ACOT4: variants seen among roughly 807,000 people sequenced by gnomAD.
The protein encoded by ACOT4 is acyl-CoA thioesterase 4.
ACOT4 carries 18 observed loss-of-function variants against 17.1 expected under a neutral mutation model. That is an observed-to-expected ratio of 1.05 (90% CI 0.73 to 1.56). ACOT4 has a LOEUF of 1.56. ACOT4 is among the 40% of genes most tolerant of loss of function. The pLI is 0.00. For missense variants in ACOT4, 574 were observed against 557.2 expected, an observed-to-expected ratio of 1.03 and a Z score of -0.30; for synonymous variants, 234 against 236.6, an observed-to-expected ratio of 0.99 and a Z score of 0.10.
rs576145111 is a variant in ACOT4, at chr14:73,595,242, C to T, written c.854C>T (p.Ala285Val). 7.4e-6 allele frequency: 12 copies of T among 1,614,096 alleles called. No homozygotes were observed. The highest frequency in any genetic ancestry group is 1.0e-5 in the Non-Finnish European group (12 of 1,180,046). ...TATGACCTGAGGAGAATCAAGGTAG[C>T]TTTCTCAGGCCTCGTGGACATTGTG... Reference protein sequence around the residue: ...LGYDLRRIKVAFSGLVDIVDI... With the variant: ...LGYDLRRIKVVFSGLVDIVDI... Residue 285 changes from alanine (A) to valine (V), a missense_variant, in exon 3 of 3, where the codon GCT (alanine) becomes GTT (valine). Physicochemically the swap from Ala to Val is moderately conservative, Grantham distance 64. Transcript: ENST00000326303.
At chr14:73,594,386 G>C (rs1890211528) in intron 2 of ACOT4, among the ~76,000 whole-genome samples, 1 of 152,164 alleles carries the variant, frequency 6.6e-6, no homozygotes, top group South Asian at 2.1e-4. Flanking sequence ...GCCACATGAA[G>C]ACTTCAGTCA....
At chr14:73,594,899 T>A in intron 2 of ACOT4, 150 bp from the exon 3 acceptor site, 2 of 863,280 alleles carry the variant, frequency 2.3e-6, no homozygotes, top group South Asian at 3.3e-5. Context: ...GAGACAGGGT[T>A]CTGCCATGTT....
Position 73,595,082 on chromosome 14 carries a change from T to G in ACOT4, c.694T>G (p.Ser232Ala). The G allele has an allele frequency of 6.2e-7, 1 of 1,614,082 alleles. No homozygotes were observed. The highest frequency in any genetic ancestry group is 8.5e-7 in the Non-Finnish European group (1 of 1,180,030). ...CCCAGGCATTGGGCTTTTGGGCATT[T>G]CTCTAGGAGCTGATATTTGTCTCTC... ...KGPGIGLLGI[S>A]LGADICLSMA... The change falls in exon 3 of 3, where the codon TCT becomes GCT. Residue 232 changes from serine to alanine, a missense_variant. Coordinates refer to ENST00000326303, the MANE Select transcript of ACOT4 (RefSeq NM_152331.4).
In ACOT4 at chr14:73,595,380, G is replaced by C; in HGVS notation, c.992G>C (p.Ser331Thr). ...IVGQDDHNWR[S>T]ELYAQTVSER... Reference sequence around the variant, plus strand: ...GGTCAGGATGACCATAACTGGAGAAGTGAGTTGTATGCCCAAACAGTCTCT... The same window carrying C: ...GGTCAGGATGACCATAACTGGAGAACTGAGTTGTATGCCCAAACAGTCTCT... The change falls in exon 3 of 3, where the codon AGT becomes ACT. Residue 331 changes from serine to threonine, a missense_variant. Physicochemically the swap from Ser to Thr is moderately conservative, Grantham distance 58 (BLOSUM62 1). Transcript: ENST00000326303. 1 of 1,614,262 alleles carries C rather than the reference G, an allele frequency of 6.2e-7. No homozygotes were observed. Among genetic ancestry groups the C allele is most frequent in the Non-Finnish European group, 8.5e-7 (1 of 1,180,034 alleles).
intron 1 of ACOT4, among the ~76,000 whole-genome samples, chr14:73,593,443 A>G (rs1450320464): frequency 7.2e-6 from 1 of 138,832 alleles, no homozygotes; most frequent in African/African-American, 2.7e-5. Context: ...GGCTCAAGTG[A>G]TCCTCCCTCC....
chr14:73,593,812 T>G lies in ACOT4; in HGVS notation c.568T>G (p.Tyr190Asp). 1 of 1,073,120 alleles carries G rather than the reference T, an allele frequency of 9.3e-7. No homozygotes were observed. The highest frequency in any genetic ancestry group is 1.4e-6 in the Non-Finnish European group (1 of 724,250). 66.5% of individuals were successfully genotyped at this position (1,073,120 alleles called of 1,614,324 possible). A position where few individuals can be genotyped will look rare whatever the true frequency, so the allele number is the denominator to read the frequency against. Residue 190 changes from tyrosine (Y) to aspartate (D), a missense_variant, in exon 2 of 3, where the codon TAT becomes GAT. Tyr to Asp is a radical substitution (Grantham distance 160). Transcript: ENST00000326303. The part of the protein sequence containing the change: ...GHGFATLALA[Y>D]YNFEDLPNNM... ...TGGCTTTGCCACGTTGGCTCTAGCT[T>G]ATTATAACTTTGAAGATCTCCCCAA...
intron 2 of ACOT4, 116 bp from the exon 3 acceptor site, chr14:73,594,933 G>A: frequency 2.4e-6 from 3 of 1,261,110 alleles, no homozygotes; most frequent in Non-Finnish European, 3.3e-6. Context: ...TCAAACTCCT[G>A]ACCTCAAGTG....
In ACOT4 at chr14:73,591,977, C is replaced by G; in HGVS notation, c.18C>G (p.Ile6Met). 2 of 1,401,924 alleles carry G rather than the reference C, an allele frequency of 1.4e-6. No homozygotes were observed. The highest frequency in any genetic ancestry group is 1.9e-6 in the Non-Finnish European group (2 of 1,079,632). The allele number at this position is 1,401,924 out of a possible 1,614,324, so 86.8% of individuals were successfully genotyped here. Residue 6 changes from isoleucine to methionine, a missense_variant, in exon 1 of 3, where the codon ATC becomes ATG. By Grantham distance (10) the Ile-to-Met change is conservative. Transcript: ENST00000326303. MSATL[I>M]LEPPGRCCWN... is the part of the protein sequence containing the mutation. ...GCTCCAAGATGTCAGCAACGCTGAT[C>G]CTGGAGCCCCCAGGCCGCTGCTGCT...
Position 73,592,062 on chromosome 14 carries a change from C to T in ACOT4, c.103C>T (p.Arg35Cys). The T allele has an allele frequency of 6.8e-7, 1 of 1,479,334 alleles. No homozygotes were observed. The highest frequency in any genetic ancestry group is 9.0e-7 in the Non-Finnish European group (1 of 1,117,102). 91.6% of individuals were successfully genotyped at this position (1,479,334 alleles called of 1,614,324 possible). Residue 35 changes from arginine to cysteine, a missense_variant, in exon 1 of 3, where the codon CGC (arginine) becomes TGC (cysteine). Physicochemically the swap from Arg to Cys is radical, Grantham distance 180 (BLOSUM62 -3). Coordinates refer to ENST00000326303, the MANE Select transcript of ACOT4 (RefSeq NM_152331.4). Reference protein sequence around the residue: ...GLAPEQRVTLRASLRDEKGAL... With the variant: ...GLAPEQRVTLCASLRDEKGAL... ...GGCCCCGGAGCAGCGGGTTACGCTG[C>T]GCGCGTCCCTGCGCGACGAGAAGGG... is the stretch of plus-strand genomic sequence containing the variant.
At chr14:73,593,960 T>G in intron 2 of ACOT4, 56 bp downstream of exon 2, 3 of 1,479,082 alleles carry the variant, frequency 2.0e-6, no homozygotes, top group Admixed American at 1.9e-5. Context: ...CCATAGAGAG[T>G]GTAACCTTTA....
In ACOT4 at chr14:73,593,531, T is replaced by TG. The variant is rs538576541; in HGVS notation, c.458-167dup. On this transcript the variant is annotated intron_variant, in intron 1 of 2. Coordinates refer to ENST00000326303, the MANE Select transcript of ACOT4 (RefSeq NM_152331.4). ...TAAAAAAAAAAAAAGATTGTAGAGA[T>TG]GGGGTCTCACTACATTGTCCAGGCT... Among the ~76,000 whole-genome samples, 37 of 149,166 alleles carry TG rather than the reference T, an allele frequency of 2.5e-4. 1 individual carries two copies. The East Asian group carries it at 5.3e-3, about 21-fold the overall frequency.
chr14:73,593,664 T>G, intron 1 of ACOT4, 38 bp from the exon 2 acceptor site: 2 of 1,537,178 alleles, frequency 1.3e-6, no homozygotes, highest in Non-Finnish European at 1.8e-6. Context: ...TTCTTTAAAT[T>G]GTATAATGGC....
chr14:73,594,030 T>A, intron 2 of ACOT4, 126 bp downstream of exon 2: 1 of 757,786 alleles, frequency 1.3e-6, no homozygotes, highest in Non-Finnish European at 2.0e-6. Context: ...GAGACTTCCT[T>A]GGCTTAAGGT....
rs2140351575 is a variant in ACOT4 at position 73,595,159 on chromosome 14, T to C, written c.771T>C (p.Ser257=). Residue 257 remains serine, a synonymous_variant, in exon 3 of 3, where the codon TCT becomes TCC. Coordinates refer to ENST00000326303, the MANE Select transcript of ACOT4 (RefSeq NM_152331.4). ...NVSATVSING[S]GISGNTAINY... Reference sequence around the variant, plus strand: ...CAGCCACAGTTTCCATCAATGGATCTGGGATCAGTGGGAACACAGCCATCA... The same window carrying C: ...CAGCCACAGTTTCCATCAATGGATCCGGGATCAGTGGGAACACAGCCATCA... The C allele has an allele frequency of 6.2e-7, 1 of 1,614,254 alleles. No homozygotes were observed. The highest frequency in any genetic ancestry group is 1.1e-5 in the South Asian group (1 of 91,084).
intron 1 of ACOT4, among the ~76,000 whole-genome samples, chr14:73,593,420 C>A (rs1890189232): frequency 7.0e-6 from 1 of 142,322 alleles, no homozygotes; most frequent in South Asian, 2.2e-4. Flanking sequence ...CTCACTGCAG[C>A]CTTGACCTCT....
chr14:73,592,640 A>G (rs1011397569), intron 1 of ACOT4, among the ~76,000 whole-genome samples: 16 of 152,238 alleles, frequency 1.1e-4, no homozygotes, highest in African/African-American at 3.9e-4. Flanking sequence ...ATCACTTGAG[A>G]TCAGGAGTTT....
chr14:73,592,454 G>A, intron 1 of ACOT4, 38 bp downstream of exon 1: 2 of 1,461,104 alleles, frequency 1.4e-6, no homozygotes, highest in Non-Finnish European at 1.8e-6. Flanking sequence ...GAGCGTCAGT[G>A]GCCTGAGTCT....
chr14:73,592,746 G>T (rs11159028), intron 1 of ACOT4, among the ~76,000 whole-genome samples: 1 of 152,034 alleles, frequency 6.6e-6, no homozygotes, highest in Non-Finnish European at 1.5e-5. Context: ...CCAGCCACTC[G>T]GGAGGCTGAG....
At chr14:73,592,910 C>T (rs1933181975) in intron 1 of ACOT4, among the ~76,000 whole-genome samples, 1 of 152,212 alleles carries the variant, frequency 6.6e-6, no homozygotes, top group Non-Finnish European at 1.5e-5. Flanking sequence ...ACGGTTTTTA[C>T]TTGCATTCTA....
Sources: allele counts gnomAD v4.1 joint callset (sites outside exome capture counted in the v4.1 genomes callset), GRCh38; gene constraint gnomAD v4.1.1; transcripts MANE v1.5; gene names NCBI Gene and HGNC (gene_info 2026-07-23, HGNC 2026-07-21).